MPP7: variants seen among roughly 807,000 people sequenced by gnomAD.
MPP7 encodes the protein MAGUK p55 scaffold protein 7.
MPP7 carries 60 observed loss-of-function variants against 76.5 expected under a neutral mutation model. The observed-to-expected ratio is 0.78, with a 90% CI of 0.64 to 0.97. The LOEUF (loss-of-function observed/expected upper bound fraction) is 0.97, where lower values mean the gene tolerates loss of function less well. Among genes scored for constraint, MPP7 ranks in the 50% least tolerant of loss-of-function variants. The pLI is 0.00. For missense variants in MPP7, 641 were observed against 694.0 expected, an observed-to-expected ratio of 0.92 and a Z score of 0.86; for synonymous variants, 237 against 244.5, an observed-to-expected ratio of 0.97 and a Z score of 0.29.
intron 3 of MPP7, among the ~76,000 whole-genome samples, chr10:28,200,143 C>T (rs1348156290): frequency 1.3e-5 from 2 of 152,146 alleles, no homozygotes; most frequent in Non-Finnish European, 1.5e-5. Flanking sequence ...GCTTGGAATA[C>T]AGTTAAGCGG....
At chr10:28,118,602 G>A (rs866296924) in intron 11 of MPP7, 15 of 985,302 alleles carry the variant, frequency 1.5e-5, no homozygotes, top group African/African-American at 1.4e-4. Flanking sequence ...ATATTCTCAC[G>A]AAAGCTTTAA....
At chr10:28,203,503 A>AAAAAG in intron 2 of MPP7, among the ~76,000 whole-genome samples, 1 of 151,548 alleles carries the variant, frequency 6.6e-6, no homozygotes, top group African/African-American at 2.4e-5. Context: ...CTTTAAAAAA[A>AAAAAG]AAAAAAAAAA....
intron 2 of MPP7, among the ~76,000 whole-genome samples, chr10:28,327,539 T>C (rs936695406): frequency 6.6e-6 from 1 of 152,102 alleles, no homozygotes; most frequent in Non-Finnish European, 1.5e-5. Flanking sequence ...AATTTAACAG[T>C]TTTTAAAGAC....
intron 1 of MPP7, among the ~76,000 whole-genome samples, chr10:28,268,418 T>TA (rs1436744245): frequency 2.0e-5 from 3 of 152,152 alleles, no homozygotes; most frequent in Non-Finnish European, 2.9e-5. Context: ...TTTACATTTT[T>TA]AAAAACCATT....
chr10:28,136,278 C>T (rs1257769366), intron 5 of MPP7, among the ~76,000 whole-genome samples: 1 of 151,950 alleles, frequency 6.6e-6, no homozygotes, highest in Non-Finnish European at 1.5e-5. Context: ...TGAAATCACT[C>T]CCCAAACCCC....
chr10:28,152,024 T>A (rs1259747939), intron 3 of MPP7, among the ~76,000 whole-genome samples: 1 of 152,210 alleles, frequency 6.6e-6, no homozygotes, highest in Non-Finnish European at 1.5e-5. Flanking sequence ...TTCCTCTTCA[T>A]CCCTTGTGTT....
chr10:28,149,395 G>A (rs1835807178), intron 4 of MPP7, among the ~76,000 whole-genome samples: 2 of 152,064 alleles, frequency 1.3e-5, no homozygotes, highest in Admixed American at 1.3e-4. Flanking sequence ...CTTCCCCCAA[G>A]TTCAAAATAA....
At chr10:28,178,450 C>T (rs749842035) in intron 3 of MPP7, among the ~76,000 whole-genome samples, 1 of 149,738 alleles carries the variant, frequency 6.7e-6, no homozygotes, top group African/African-American at 2.5e-5. Context: ...GCAGGCAAAA[C>T]AGGAAAAAAA....
intron 11 of MPP7, among the ~76,000 whole-genome samples, chr10:28,101,466 T>C (rs1375384957): frequency 6.6e-6 from 1 of 152,106 alleles, no homozygotes; most frequent in Non-Finnish European, 1.5e-5. Flanking sequence ...GGAGTAGATG[T>C]GGGTAAATAA....
chr10:28,056,355 C>T (rs555779558), intron 16 of MPP7, 125 bp downstream of exon 16: 13 of 963,630 alleles, frequency 1.3e-5, no homozygotes, highest in Middle Eastern at 2.2e-4. Context: ...GATGGGGTTT[C>T]ACCACCTTGG....
chr10:28,245,333 AT>A (rs968877020), intron 1 of MPP7, among the ~76,000 whole-genome samples: 4 of 152,068 alleles, frequency 2.6e-5, no homozygotes, highest in Non-Finnish European at 4.4e-5. Flanking sequence ...ATAATTCTAC[AT>A]TTTTTTGTTC....
intron 1 of MPP7, among the ~76,000 whole-genome samples, chr10:28,276,282 C>A (rs894993788): frequency 3.9e-5 from 6 of 152,046 alleles, no homozygotes; most frequent in South Asian, 2.1e-4. Flanking sequence ...CCACCCGCCT[C>A]GGCCTCCCAG....
intron 2 of MPP7, among the ~76,000 whole-genome samples, chr10:28,323,247 T>C (rs1246697273): frequency 6.6e-6 from 1 of 151,986 alleles, no homozygotes; most frequent in African/African-American, 2.4e-5. Context: ...ATCAGGCCAC[T>C]GCACTCCAGC....
chr10:28,170,704 G>A (rs1836651360), intron 3 of MPP7, among the ~76,000 whole-genome samples: 2 of 151,646 alleles, frequency 1.3e-5, no homozygotes, highest in Non-Finnish European at 2.9e-5. Context: ...TATCTAATTT[G>A]CAATTGAAGC....
intron 11 of MPP7, among the ~76,000 whole-genome samples, chr10:28,098,353 A>G (rs1853662871): frequency 6.6e-6 from 1 of 151,918 alleles, no homozygotes; most frequent in African/African-American, 2.4e-5. Flanking sequence ...TACTTACACT[A>G]TGAGTTTTAC....
intron 3 of MPP7, among the ~76,000 whole-genome samples, chr10:28,181,399 T>C (rs1837053381): frequency 1.3e-5 from 2 of 152,246 alleles, no homozygotes; most frequent in Non-Finnish European, 2.9e-5. Flanking sequence ...TATCTTTCTT[T>C]ATTAACTATC....
chr10:28,129,582 C>T lies in MPP7; in HGVS notation c.447+1978G>A, dbSNP rs546474400. On this transcript the variant is annotated intron_variant, in intron 6 of 16. Transcript: ENST00000683449. ...CAGCCTGGGCAACAGAGTGAGACTCCGTCTCAAAAAAAAAAAAAAAATTTA... is the reference window on the plus strand; with the variant it reads ...CAGCCTGGGCAACAGAGTGAGACTCTGTCTCAAAAAAAAAAAAAAAATTTA... 6.5e-3 allele frequency among the ~76,000 whole-genome samples: 954 copies of T among 146,890 alleles called. 12 individuals carry two copies. The highest frequency in any genetic ancestry group is 0.022 in the African/African-American group (887 of 39,644).
At chr10:28,095,969 A>G (rs995508343) in intron 11 of MPP7, among the ~76,000 whole-genome samples, 2 of 152,222 alleles carry the variant, frequency 1.3e-5, no homozygotes. Flanking sequence ...AAGTGACTTC[A>G]GAGTTAAGAC....
chr10:28,308,190 T>C (rs1718185939), intron 2 of MPP7, among the ~76,000 whole-genome samples: 1 of 152,204 alleles, frequency 6.6e-6, no homozygotes, highest in Admixed American at 6.5e-5. Context: ...ACAGCTGTTA[T>C]CTGGTCCTTC....
Sources: allele counts gnomAD v4.1 joint callset (sites outside exome capture counted in the v4.1 genomes callset), GRCh38; gene constraint gnomAD v4.1.1; transcripts MANE v1.5; gene names NCBI Gene and HGNC (gene_info 2026-07-23, HGNC 2026-07-21).